Variants in TRMT2B observed in about 807,000 individuals in gnomAD.
TRMT2B encodes the protein tRNA (uracil-5-)-methyltransferase homolog B.
In TRMT2B, 34 loss-of-function variants were observed where a neutral mutation model predicts 39.7. That is an observed-to-expected ratio of 0.86 (90% CI 0.65 to 1.14). TRMT2B has a LOEUF of 1.14. TRMT2B is among the 50% of genes most tolerant of loss of function. TRMT2B has a pLI of 0.00. For missense variants in TRMT2B, 318 were observed against 377.2 expected (o/e 0.84, Z 1.30); for synonymous variants, 132 against 137.3 (o/e 0.96, Z 0.27).
chrX:101,050,988 G>A (rs2089047338), intron 2 of TRMT2B, among the ~76,000 whole-genome samples: 1 of 109,118 alleles, frequency 9.2e-6, no homozygotes, highest in African/African-American at 3.3e-5. Context: ...GTTGCAGTGA[G>A]CCGAGATCGC....
At chrX:101,030,948 T>C (rs764301605) in intron 7 of TRMT2B, among the ~76,000 whole-genome samples, 34 of 110,130 alleles carry the variant, frequency 3.1e-4, no homozygotes, top group South Asian at 2.3e-3. Context: ...CCACTCAAGA[T>C]GAACTATTAA....
intron 7 of TRMT2B, among the ~76,000 whole-genome samples, chrX:101,027,278 T>G (rs1384928737): frequency 9.2e-6 from 1 of 108,734 alleles, no homozygotes; most frequent in South Asian, 4.2e-4. Flanking sequence ...TGTCGCCAGG[T>G]TGGAGTGCAG....
the TRMT2B span, chrX:100,990,385 A>T: frequency 3.2e-6 from 3 of 932,271 alleles, no homozygotes; most frequent in African/African-American, 6.2e-5. Context: ...ACAGAGGGAA[A>T]CCAAAAGAAA....
At chrX:101,034,866 T>C (rs2087738587) in intron 7 of TRMT2B, among the ~76,000 whole-genome samples, 1 of 110,827 alleles carries the variant, frequency 9.0e-6, no homozygotes, top group Non-Finnish European at 1.9e-5. Context: ...AACCCATCTC[T>C]ACTAAAAATT....
chrX:100,973,694 TC>T, the TRMT2B span: 1 of 1,211,107 alleles, frequency 8.3e-7, no homozygotes, highest in South Asian at 1.8e-5. Flanking sequence ...TGAATCATGT[TC>T]CGGCTTTTGT....
At chrX:101,004,800 C>T (rs1024997690), downstream of TRMT2B, among the ~76,000 whole-genome samples, 2 of 111,453 alleles carry the variant, frequency 1.8e-5, no homozygotes, top group African/African-American at 6.5e-5. Flanking sequence ...CGTGCCCGGC[C>T]ATCAAAAATG....
At chrX:101,032,896 T>C (rs188387805) in intron 7 of TRMT2B, among the ~76,000 whole-genome samples, 1 of 110,151 alleles carries the variant, frequency 9.1e-6, no homozygotes, top group East Asian at 2.9e-4. Flanking sequence ...GGGAAAAACT[T>C]CAACTGAAGC....
the TRMT2B span, chrX:100,990,681 G>T: frequency 1.1e-6 from 1 of 923,751 alleles, no homozygotes; most frequent in Non-Finnish European, 1.5e-6. Context: ...CCGAGATGCT[G>T]CTGACAAAGC....
intron 4 of TRMT2B, among the ~76,000 whole-genome samples, chrX:101,039,994 C>G (rs779961385): frequency 9.0e-6 from 1 of 110,759 alleles, no homozygotes; most frequent in Non-Finnish European, 1.9e-5. Context: ...AAGTGGGTAT[C>G]AGAAGAACTG....
chrX:101,038,209 A>G (rs939236203), intron 4 of TRMT2B, among the ~76,000 whole-genome samples, 158 bp from the exon 5 acceptor site: 10 of 108,354 alleles, frequency 9.2e-5, no homozygotes, highest in Non-Finnish European at 1.7e-4. Context: ...CTCTATTGAA[A>G]ATACAAAAAT....
At chrX:101,026,916 A>G (rs185810735) in intron 7 of TRMT2B, among the ~76,000 whole-genome samples, 1 of 111,759 alleles carries the variant, frequency 8.9e-6, no homozygotes, top group Admixed American at 9.6e-5. Flanking sequence ...CATTTTAAGC[A>G]GAATAAAAAA....
chrX:101,024,138 G>A (rs1003401720), intron 7 of TRMT2B, among the ~76,000 whole-genome samples: 2 of 111,260 alleles, frequency 1.8e-5, no homozygotes, highest in African/African-American at 3.3e-5. Flanking sequence ...GTGAGCCACC[G>A]CACCATGCCT....
Position 101,019,037 on chromosome X carries a change from C to G in TRMT2B, c.1322G>C (p.Arg441Thr). 2 of 1,208,465 alleles carry G rather than the reference C, an allele frequency of 1.7e-6. No homozygotes were observed. Among genetic ancestry groups the G allele is most frequent in the African/African-American group, 1.7e-5 (1 of 57,728 alleles). ...YKVIQAIRNF[R>T]AIHTLVFVSC... ...AACAAAAACTAGCGTGTGGATGGCC[C>G]TGAAGTTTCGAATGGCTTGAATCAC... The change falls in exon 13 of 14, where the codon AGG (arginine) becomes ACG (threonine). Residue 441 changes from arginine (R) to threonine (T), a missense_variant. By Grantham distance (71) the Arg-to-Thr change is moderately conservative. Transcript: ENST00000372936.
chrX:101,027,357 G>A (rs962497546), intron 7 of TRMT2B, among the ~76,000 whole-genome samples: 5 of 109,053 alleles, frequency 4.6e-5, no homozygotes, highest in Non-Finnish European at 9.5e-5. Flanking sequence ...TCAGCCTTCT[G>A]AGTAGCTGGG....
At chrX:101,008,650 C>T (rs923163013), downstream of TRMT2B, among the ~76,000 whole-genome samples, 3 of 111,530 alleles carry the variant, frequency 2.7e-5, no homozygotes, top group Admixed American at 2.9e-4. Context: ...ATAAATCTTT[C>T]TGGCTGCTCC....
the TRMT2B span, among the ~76,000 whole-genome samples, chrX:100,981,623 C>T: frequency 9.6e-6 from 1 of 104,045 alleles, no homozygotes; most frequent in African/African-American, 3.5e-5. Context: ...GGGCAACATG[C>T]CAAAACTCTC....
intron 4 of TRMT2B, among the ~76,000 whole-genome samples, chrX:101,039,715 T>C (rs1188650119): frequency 9.1e-6 from 1 of 109,601 alleles, no homozygotes; most frequent in African/African-American, 3.3e-5. Flanking sequence ...CTGGGCAACA[T>C]GGCAAAACTC....
the TRMT2B span, among the ~76,000 whole-genome samples, chrX:100,977,014 AT>A: frequency 8.9e-6 from 1 of 112,535 alleles, no homozygotes; most frequent in Non-Finnish European, 1.9e-5. Context: ...CACACAAGCC[AT>A]TTTTTAGTGG....
intron 6 of TRMT2B, 89 bp downstream of exon 6, chrX:101,036,882 CTTT>C: frequency 2.9e-6 from 2 of 690,185 alleles, no homozygotes; most frequent in Non-Finnish European, 4.6e-6. Flanking sequence ...TAATCTTCTT[CTTT>C]AAGGCCACCG....
Sources: allele counts gnomAD v4.1 joint callset (sites outside exome capture counted in the v4.1 genomes callset), GRCh38; gene constraint gnomAD v4.1.1; transcripts MANE v1.5; gene names NCBI Gene and HGNC (gene_info 2026-07-23, HGNC 2026-07-21).